The following HDLBP variants were observed in gnomAD, a reference collection of about 807,000 sequenced individuals.
HDLBP encodes the protein high density lipoprotein binding protein.
Under a neutral mutation model 137.3 loss-of-function variants are expected in HDLBP, and 30 were observed. The observed-to-expected ratio is 0.22, with a 90% CI of 0.16 to 0.30. HDLBP has a LOEUF of 0.30. Among genes scored for constraint, HDLBP ranks in the 10% least tolerant of loss-of-function variants. The probability of loss-of-function intolerance (pLI) is 1.00; values close to 1 mark genes in which losing one functional copy is unlikely to be tolerated. For missense variants in HDLBP, 1,119 were observed against 1,667.3 expected, an observed-to-expected ratio of 0.67 and a Z score of 5.73; for synonymous variants, 606 against 596.0, an observed-to-expected ratio of 1.02 and a Z score of -0.24.
At chr2:241,288,754 G>A (rs1187469515) in intron 1 of HDLBP, among the ~76,000 whole-genome samples, 2 of 152,176 alleles carry the variant, frequency 1.3e-5, no homozygotes, top group African/African-American at 4.8e-5. Flanking sequence ...CTCCTCACCA[G>A]GGCTTGAAGC....
chr2:241,306,201 A>T (rs1213926075), intron 1 of HDLBP, among the ~76,000 whole-genome samples: 2 of 151,872 alleles, frequency 1.3e-5, no homozygotes, highest in Non-Finnish European at 2.9e-5. Flanking sequence ...AAACTGAGTT[A>T]CCCAGGTTCT....
At chr2:241,257,206 C>T (rs1426162694) in intron 5 of HDLBP, among the ~76,000 whole-genome samples, 1 of 152,216 alleles carries the variant, frequency 6.6e-6, no homozygotes, top group East Asian at 1.9e-4. Context: ...CCACAAACAA[C>T]AACTACTTAG....
At chr2:241,262,341 T>C (rs763609094) in intron 5 of HDLBP, among the ~76,000 whole-genome samples, 14 of 152,162 alleles carry the variant, frequency 9.2e-5, no homozygotes, top group Non-Finnish European at 2.1e-4. Flanking sequence ...CCCAGCTAAC[T>C]GGGAGGCTAG....
chr2:241,239,376 CTTTTT>C lies in HDLBP; in HGVS notation c.2610+221_2610+225del, dbSNP rs928760320. 1.4e-5 allele frequency among the ~76,000 whole-genome samples: 2 copies of C among 147,746 alleles called. No individual in the cohort carries two copies. Among genetic ancestry groups the C allele is most frequent in the African/African-American group, 2.5e-5 (1 of 40,312 alleles). On this transcript the variant is annotated intron_variant, in intron 19 of 27. Coordinates refer to ENST00000310931, the MANE Select transcript of HDLBP (RefSeq NM_005336.6). The surrounding 1 kb of genome is among the most constrained non-coding windows in gnomAD (Gnocchi z 4.6). ...CCTCTCCTCTTCTCCTTCTCTCTCT[CTTTTT>C]TTTTTTAAGTGCTTCTCGCAGGCAG...
At chr2:241,255,329 G>A (rs778678722) in intron 8 of HDLBP, 45 bp downstream of exon 8, 22 of 1,544,172 alleles carry the variant, frequency 1.4e-5, no homozygotes, top group South Asian at 1.1e-5. Flanking sequence ...AAGGCCCCGC[G>A]GACTCCACTC....
intron 1 of HDLBP, among the ~76,000 whole-genome samples, chr2:241,291,261 G>C (rs1379433882): frequency 1.3e-5 from 2 of 152,108 alleles, no homozygotes; most frequent in East Asian, 3.9e-4. Flanking sequence ...CCATCTCACG[G>C]CAAGAGACTG....
At chr2:241,271,276 C>T (rs917226905) in intron 1 of HDLBP, among the ~76,000 whole-genome samples, 6 of 152,182 alleles carry the variant, frequency 3.9e-5, no homozygotes, top group Admixed American at 3.9e-4. Context: ...CTATACTGAA[C>T]CTGGACTTTT....
intron 23 of HDLBP, among the ~76,000 whole-genome samples, chr2:241,234,371 GCCACAGCC>G (rs2070149296): frequency 6.6e-6 from 1 of 152,222 alleles, no homozygotes; most frequent in South Asian, 2.1e-4. Flanking sequence ...AGAGGGGGCA[GCCACAGCC>G]CCTGAACACC....
intron 9 of HDLBP, among the ~76,000 whole-genome samples, chr2:241,254,586 G>A (rs1178921421): frequency 4.0e-5 from 6 of 151,222 alleles, no homozygotes; most frequent in Admixed American, 2.6e-4. Context: ...CCGGGTTCAC[G>A]CCATTCTCCT....
chr2:241,252,819 G>A, intron 11 of HDLBP, 138 bp downstream of exon 11: 1 of 585,986 alleles, frequency 1.7e-6, no homozygotes, highest in Non-Finnish European at 3.1e-6. Context: ...CAGGCAGGAG[G>A]ATGTAAAGTC....
intron 2 of HDLBP, chr2:241,267,489 G>C: frequency 7.7e-7 from 1 of 1,306,832 alleles, no homozygotes; most frequent in Non-Finnish European, 1.1e-6. Context: ...CCTGCCACCT[G>C]CCTGACCCAG....
Position 241,230,046 on chromosome 2 carries a change from GCCTCTGGAAACACAAGTGC to G in HDLBP, c.3591+88_3592-86del. On this transcript the variant is annotated intron_variant, in intron 26 of 27. Coordinates refer to ENST00000310931, the MANE Select transcript of HDLBP (RefSeq NM_005336.6). This position sits in a 1 kb window ranked among gnomAD's most constrained non-coding sequence, Gnocchi z 5.0. ...GCCTGCTCACCCCTGCACCTCGCCTGCCTCTGGAAACACAAGTGCCACCTTGTCCCCTGAAGCTCCTGGC... is the reference window on the plus strand; with the variant it reads ...GCCTGCTCACCCCTGCACCTCGCCTGCACCTTGTCCCCTGAAGCTCCTGGC... 3 of 1,581,066 alleles carry G rather than the reference GCCTCTGGAAACACAAGTGC, an allele frequency of 1.9e-6. No homozygotes were observed. In the South Asian group the frequency reaches 3.4e-5, roughly 18 times the overall value.
intron 11 of HDLBP, 84 bp downstream of exon 11, chr2:241,252,873 C>A (rs946471849): frequency 7.9e-6 from 7 of 886,262 alleles, no homozygotes; most frequent in Non-Finnish European, 1.3e-5. Flanking sequence ...ACTGTCTGCA[C>A]GGACGTCACA....
intron 12 of HDLBP, 104 bp downstream of exon 12, chr2:241,249,737 G>A (rs962745654): frequency 1.8e-5 from 21 of 1,167,192 alleles, no homozygotes; most frequent in East Asian, 2.5e-5. Context: ...GGGATTTGTC[G>A]ACTTCCATTC....
rs1424008744 is a variant in HDLBP, at chr2:241,240,104, C to A, written c.2188G>T (p.Val730Phe). ...TATTCTGGCTTGGCGCGGATGTCAACAGTGAAACTCTTGGTTTGCTGCAGA... is the reference window on the plus strand; with the variant it reads ...TATTCTGGCTTGGCGCGGATGTCAAAAGTGAAACTCTTGGTTTGCTGCAGA... ...AEEKQTKSFT[V>F]DIRAKPEYHK... Residue 730 changes from valine to phenylalanine, a missense_variant, in exon 18 of 28, where the codon GTT becomes TTT. By Grantham distance (50) the Val-to-Phe change is conservative. Around this residue, in one of 4 missense-constraint regions of HDLBP, gnomAD observed 618 missense variants for 816.7 expected, o/e 0.76. Transcript: ENST00000310931. The surrounding 1 kb of genome is among the most constrained non-coding windows in gnomAD (Gnocchi z 5.5). The A allele has an allele frequency of 1.4e-5, 23 of 1,614,108 alleles. No homozygotes were observed. The highest frequency in any genetic ancestry group is 1.8e-5 in the Non-Finnish European group (21 of 1,180,056).
chr2:241,307,338 A>G (rs1304636531), intron 1 of HDLBP, among the ~76,000 whole-genome samples: 14 of 152,232 alleles, frequency 9.2e-5, no homozygotes, highest in Non-Finnish European at 8.8e-5. Flanking sequence ...CTTTGACATC[A>G]GCCACTTCTT....
intron 17 of HDLBP, among the ~76,000 whole-genome samples, chr2:241,241,566 CAAAAAAAAAAAAAAAAAAAAA>C (rs56864201): frequency 1.3e-4 from 4 of 31,432 alleles, no homozygotes; most frequent in Admixed American, 4.8e-4. Context: ...GACTCCGTCT[CAAAAAAAAAAAAAAAAAAAAA>C]AAAAAAAAAA....
intron 1 of HDLBP, chr2:241,271,237 G>A (rs2074014171): frequency 3.4e-6 from 2 of 593,494 alleles, no homozygotes; most frequent in South Asian, 1.5e-4. Context: ...ATCAATCAGT[G>A]TCCAGGTCCA....
At chr2:241,242,412 T>A (rs373799593) in intron 17 of HDLBP, 48 bp downstream of exon 17, 2 of 1,524,476 alleles carry the variant, frequency 1.3e-6, no homozygotes, top group Non-Finnish European at 1.8e-6. Context: ...AACACTGTAC[T>A]GAGGACCAGG....
Sources: allele counts gnomAD v4.1 joint callset (sites outside exome capture counted in the v4.1 genomes callset), GRCh38; gene constraint gnomAD v4.1.1; regional missense constraint gnomAD v4.1.1; non-coding constraint Gnocchi (gnomAD v3.1); transcripts MANE v1.5; gene names NCBI Gene and HGNC (gene_info 2026-07-23, HGNC 2026-07-21).